The following MAP4K2 variants were observed in gnomAD, a reference collection of about 807,000 sequenced individuals.
MAP4K2 encodes the protein mitogen-activated protein kinase kinase kinase kinase 2.
A neutral mutation model predicts 125.3 loss-of-function variants in MAP4K2; 85 were observed. That is an observed-to-expected ratio of 0.68 (90% CI 0.57 to 0.81). MAP4K2 has a LOEUF of 0.81. Ranked by LOEUF, MAP4K2 falls within the 40% of genes least tolerant of loss-of-function variation. The pLI, the probability that MAP4K2 is intolerant of heterozygous loss-of-function variation, is 0.00. For missense variants in MAP4K2, 923 were observed against 1,056.4 expected (o/e 0.87, Z 1.75); for synonymous variants, 479 against 445.1 (o/e 1.08, Z -0.96).
Position 64,789,326 on chromosome 11 carries a change from C to A in MAP4K2, c.*211G>T, listed in dbSNP as rs554488240. The A allele has an allele frequency of 7.6e-5, 44 of 577,848 alleles. No homozygotes were observed. Among genetic ancestry groups the A allele is most frequent in the Non-Finnish European group, 1.3e-4 (43 of 324,206 alleles). 35.8% of individuals were successfully genotyped at this position (577,848 alleles called of 1,614,324 possible). ...GGCTGCCTCGGGGATGGGGGAGTGA[C>A]AGCAGCTCCCCCTGGTCCAGTTATT... On this transcript the variant is annotated 3_prime_UTR_variant, in exon 32 of 32. Transcript: ENST00000294066.
chr11:64,796,953 G>A lies in MAP4K2; in HGVS notation c.1407+29C>T, dbSNP rs1306382264. Reference sequence around the variant, plus strand: ...AGGGGTGGTGGGTGGCAGGGCTGTGGGACTGCAGGGCTTGGGGCAAACACT... The same window carrying A: ...AGGGGTGGTGGGTGGCAGGGCTGTGAGACTGCAGGGCTTGGGGCAAACACT... On this transcript the variant is annotated intron_variant, in intron 20 of 31. Coordinates refer to ENST00000294066, the MANE Select transcript of MAP4K2 (RefSeq NM_004579.5). The A allele has an allele frequency of 4.3e-6, 7 of 1,613,766 alleles. No homozygotes were observed. The East Asian group carries it at 1.1e-4, about 26-fold the overall frequency.
Position 64,796,301 on chromosome 11 carries a change from TG to T in MAP4K2, c.1722del (p.Asn575ThrfsTer63), listed in dbSNP as rs766345229. 25 of 1,538,166 alleles carry T rather than the reference TG, an allele frequency of 1.6e-5. No homozygotes were observed. Among genetic ancestry groups the T allele is most frequent in the Non-Finnish European group, 6.1e-6 (7 of 1,142,648 alleles). On this transcript the variant is annotated frameshift_variant, in exon 24 of 32. Coordinates refer to ENST00000294066, the MANE Select transcript of MAP4K2 (RefSeq NM_004579.5). LOFTEE classifies it high-confidence loss of function. ...GGGATGATGCGCTGGGTGAGGCGGT[TG>T]GTGGGGATGGAGAGGGGAACCTGTT... ...LQQQVPLSIP[T>X]NRLTQRIIPR... is the part of the protein sequence containing the mutation.
rs1289025135 is a variant in MAP4K2, at chr11:64,794,896, C to A, written c.1751+1377G>T. On this transcript the variant is annotated intron_variant, in intron 24 of 31. Transcript: ENST00000294066. ...GCTAACTGTCCACATTTCCCTTTTT[C>A]TTTTTTTTGAGACAAGGTCTTGCTC... Among the ~76,000 whole-genome samples the A allele has an allele frequency of 2.0e-5, 3 of 150,406 alleles. No homozygotes were observed. The East Asian group carries it at 5.9e-4, about 30-fold the overall frequency.
chr11:64,797,557 G>A (rs976154846), intron 16 of MAP4K2, 23 bp from the exon 17 acceptor site: 2 of 1,573,478 alleles, frequency 1.3e-6, no homozygotes, highest in Non-Finnish European at 8.6e-7. Context: ...GATGAGGCGT[G>A]AGGCATGAGG....
At chr11:64,794,267 T>C (rs1293864057) in intron 24 of MAP4K2, among the ~76,000 whole-genome samples, 1 of 152,248 alleles carries the variant, frequency 6.6e-6, no homozygotes, top group Admixed American at 6.5e-5. Context: ...CCAAAAACCT[T>C]GGAGCCATCC....
chr11:64,797,933 C>T (rs568428212), intron 15 of MAP4K2, among the ~76,000 whole-genome samples: 3 of 151,666 alleles, frequency 2.0e-5, no homozygotes, highest in African/African-American at 7.3e-5. Flanking sequence ...TTTCGATCTC[C>T]TGCCCTTGTG....
chr11:64,799,485 G>A lies in MAP4K2; in HGVS notation c.995-6C>T, dbSNP rs764323708. Reference sequence around the variant, plus strand: ...GCCAAATTTCACCTGGTGAACTGGGGGGCCCAGAGTACAAGAGTGAAGGAG... The same window carrying A: ...GCCAAATTTCACCTGGTGAACTGGGAGGCCCAGAGTACAAGAGTGAAGGAG... On this transcript the variant is annotated splice_polypyrimidine_tract_variant and splice_region_variant and intron_variant, in intron 13 of 31. Transcript: ENST00000294066. 2.8e-5 allele frequency: 45 copies of A among 1,610,868 alleles called. No homozygotes were observed. Among genetic ancestry groups the A allele is most frequent in the East Asian group, 2.0e-4 (9 of 44,854 alleles).
Position 64,787,891 on chromosome 11 carries a change from C to T in MAP4K2, c.*1646G>A, listed in dbSNP as rs1328972825. 4 of 152,238 alleles carry T rather than the reference C, an allele frequency of 2.6e-5. No individual in the cohort carries two copies. The highest frequency in any genetic ancestry group is 7.2e-5 in the African/African-American group (3 of 41,442). 9.4% of individuals were successfully genotyped at this position (152,238 alleles called of 1,614,324 possible). On this transcript the variant is annotated 3_prime_UTR_variant, in exon 32 of 32. Transcript: ENST00000294066. ...CCCCACCCTGGTCCCAACATTCCTCCGAGAAATCTGGAAAATTGGAAGTTA... is the reference window on the plus strand; with the variant it reads ...CCCCACCCTGGTCCCAACATTCCTCTGAGAAATCTGGAAAATTGGAAGTTA...
At chr11:64,792,335 C>CCGGG in intron 25 of MAP4K2, 29 bp downstream of exon 25, 3 of 1,520,524 alleles carry the variant, frequency 2.0e-6, no homozygotes, top group Non-Finnish European at 2.7e-6. Context: ...CACCAGGCCC[C>CCGGG]GCCCCACCCC....
At position 64,796,333 on chromosome 11, in the gene MAP4K2, A is replaced by G. The variant is rs778551391; in HGVS notation, c.1691T>C (p.Leu564Pro). ...GATGGAGAGGGGAACCTGTTGCTGT[A>G]GCCTCCGCTGCTCAAACAGGCCTGG... is the stretch of plus-strand genomic sequence containing the variant. Reference protein sequence around the residue: ...DLPGLFEQRRLQQQVPLSIPT... With the variant: ...DLPGLFEQRRPQQQVPLSIPT... The change falls in exon 24 of 32, where the codon CTA becomes CCA. Residue 564 changes from leucine to proline, a missense_variant. This residue lies in a region of MAP4K2 where 833 missense variants were observed against 911.4 expected (regional missense o/e 0.91). Coordinates refer to ENST00000294066, the MANE Select transcript of MAP4K2 (RefSeq NM_004579.5). 6.3e-5 allele frequency: 98 copies of G among 1,559,638 alleles called. No homozygotes were observed. Among genetic ancestry groups the G allele is most frequent in the Admixed American group, 1.1e-4 (6 of 54,094 alleles).
rs1488509785 is a variant in MAP4K2 at position 64,787,974 on chromosome 11, C to T, written c.*1563G>A. On this transcript the variant is annotated 3_prime_UTR_variant, in exon 32 of 32. Transcript: ENST00000294066. ...CCCAATTTGGAAGGTGCCCCTCACC[C>T]TCCTTGGGGCTCACGGGAACATGGG... 6.6e-6 allele frequency: 1 copy of T among 152,208 alleles called. No individual in the cohort carries two copies. Among genetic ancestry groups the T allele is most frequent in the African/African-American group, 2.4e-5 (1 of 41,434 alleles). 9.4% of individuals were successfully genotyped at this position (152,208 alleles called of 1,614,324 possible). A position where few individuals can be genotyped will look rare whatever the true frequency, so the allele number is the denominator to read the frequency against.
chr11:64,794,682 C>G (rs1940687137), intron 24 of MAP4K2, among the ~76,000 whole-genome samples: 1 of 152,038 alleles, frequency 6.6e-6, no homozygotes, highest in South Asian at 2.1e-4. Flanking sequence ...TAACAGCTCC[C>G]CAGCTCACCA....
At position 64,801,155 on chromosome 11, in the gene MAP4K2, T is replaced by G. The variant is rs1941141996; in HGVS notation, c.486A>C (p.Thr162=). The change falls in exon 8 of 32, where the codon ACA becomes ACC. Residue 162 remains threonine, a synonymous_variant. Coordinates refer to ENST00000294066, the MANE Select transcript of MAP4K2 (RefSeq NM_004579.5). ...LADFGVSGEL[T]ASVAKRRSFI... ...AAGACCTCCTCTTGGCCACAGACGC[T>G]GTCAGCTCGCCTGACACCCCAAAGT... 1 of 1,613,242 alleles carries G rather than the reference T, an allele frequency of 6.2e-7. No homozygotes were observed. Among genetic ancestry groups the G allele is most frequent in the Admixed American group, 1.7e-5 (1 of 59,998 alleles).
Position 64,797,296 on chromosome 11 carries a change from C to T in MAP4K2, c.1255G>A (p.Glu419Lys). ...GPLPTDPPAE[E>K]PLSSPPGTLP... The stretch of plus-strand genomic sequence containing the variant: ...TCACCTGGGGGACTGGACAGAGGCT[C>T]CTCTGCTGGAGGGTCAGTGGGGAGT... Residue 419 changes from glutamate to lysine, a missense_variant, in exon 18 of 32, where the codon GAG becomes AAG. Physicochemically the swap from Glu to Lys is moderately conservative, Grantham distance 56. Transcript: ENST00000294066. 6.2e-7 allele frequency: 1 copy of T among 1,601,676 alleles called. No homozygotes were observed. The highest frequency in any genetic ancestry group is 8.5e-7 in the Non-Finnish European group (1 of 1,174,388).
At chr11:64,796,224 C>CCTCCCTGCCCCTCTGCCTCCCG (rs1449486753) in intron 24 of MAP4K2, 49 bp downstream of exon 24, 1 of 1,478,304 alleles carries the variant, frequency 6.8e-7, no homozygotes, top group Non-Finnish European at 9.1e-7. Context: ...TGTTCCAGCC[C>CCTCCCTGCCCCTCTGCCTCCCG]CTCCCTGCCC....
chr11:64,795,691 C>G (rs532309640), intron 24 of MAP4K2, among the ~76,000 whole-genome samples: 1 of 152,208 alleles, frequency 6.6e-6, no homozygotes, highest in African/African-American at 2.4e-5. Context: ...CGTGAGCCCC[C>G]CCGCCCAGAC....
intron 30 of MAP4K2, 48 bp from the exon 31 acceptor site, chr11:64,789,833 C>T: frequency 6.2e-7 from 1 of 1,614,030 alleles, no homozygotes. Flanking sequence ...TAGGTCCTTT[C>T]CAAAGAGGTA....
chr11:64,793,093 G>A (rs1426172736), intron 24 of MAP4K2, among the ~76,000 whole-genome samples: 2 of 152,182 alleles, frequency 1.3e-5, no homozygotes, highest in South Asian at 2.1e-4. Flanking sequence ...GCGCGTGCCT[G>A]TAATCCCAGC....
At chr11:64,797,568 T>A (rs922009769) in intron 16 of MAP4K2, 34 bp from the exon 17 acceptor site, 13 of 1,575,072 alleles carry the variant, frequency 8.3e-6, no homozygotes, top group Non-Finnish European at 8.6e-7. Context: ...AGGCATGAGG[T>A]GTGACTGGCA....
Sources: allele counts gnomAD v4.1 joint callset (sites outside exome capture counted in the v4.1 genomes callset), GRCh38; gene constraint gnomAD v4.1.1; regional missense constraint gnomAD v4.1.1; transcripts MANE v1.5; gene names NCBI Gene and HGNC (gene_info 2026-07-23, HGNC 2026-07-21).